Variants in CTIF observed in about 807,000 individuals in gnomAD.
The protein encoded by CTIF is cap binding complex dependent translation initiation factor.
CTIF carries 21 observed loss-of-function variants against 66.0 expected under a neutral mutation model. The observed-to-expected ratio is 0.32, with a 90% confidence interval of 0.23 to 0.46. CTIF has a LOEUF of 0.46. CTIF is among the 20% of genes least tolerant of loss of function. The pLI, the probability that CTIF is intolerant of heterozygous loss-of-function variation, is 1.00. For synonymous variants in CTIF, 345 were observed against 326.4 expected (o/e 1.06, Z -0.62); for missense variants, 739 against 812.7 (o/e 0.91, Z 1.10).
At chr18:48,667,114 C>CACACAG (rs2091450952) in intron 5 of CTIF, among the ~76,000 whole-genome samples, 1 of 151,722 alleles carries the variant, frequency 6.6e-6, no homozygotes, top group African/African-American at 2.4e-5. Flanking sequence ...CACACACACA[C>CACACAG]ACGAGTATAC....
intron 10 of CTIF, among the ~76,000 whole-genome samples, chr18:48,852,349 G>A (rs747078496): frequency 6.1e-5 from 9 of 146,786 alleles, no homozygotes; most frequent in African/African-American, 1.5e-4. Flanking sequence ...CTTTCCCTCC[G>A]ATCCCAGTCC....
intron 7 of CTIF, among the ~76,000 whole-genome samples, chr18:48,726,174 A>G (rs528416457): frequency 5.8e-4 from 89 of 152,290 alleles, no homozygotes; most frequent in Non-Finnish European, 1.1e-3. Context: ...TGAATCACAC[A>G]TGTTCGGTTT....
Position 48,619,705 on chromosome 18 carries a change from G to T in CTIF, c.140G>T (p.Gly47Val), listed in dbSNP as rs774862580. Residue 47 changes from glycine to valine, a missense_variant, in exon 2 of 12, where the codon GGT (glycine) becomes GTT (valine). This residue lies in a region of CTIF where 529 missense variants were observed against 520.3 expected (regional missense o/e 1.02). Transcript: ENST00000256413. ...GGGCTGCTGGCTGACAAGACGGAGG[G>T]TGATGGCGAGAGCGAGAGGACCCAG... Reference protein sequence around the residue: ...VQGLLADKTEGDGESERTQSH... With the variant: ...VQGLLADKTEVDGESERTQSH... 3.1e-6 allele frequency: 5 copies of T among 1,607,096 alleles called. No individual in the cohort carries two copies. In the South Asian group the frequency reaches 5.6e-5, roughly 18 times the overall value.
At chr18:48,617,463 A>G (rs904465565) in intron 1 of CTIF, among the ~76,000 whole-genome samples, 2 of 152,200 alleles carry the variant, frequency 1.3e-5, no homozygotes, top group Non-Finnish European at 2.9e-5. Flanking sequence ...GTGTATACCC[A>G]TGACTGTCTT....
At chr18:48,655,731 A>G (rs2091237308) in intron 3 of CTIF, among the ~76,000 whole-genome samples, 1 of 152,158 alleles carries the variant, frequency 6.6e-6, no homozygotes, top group African/African-American at 2.4e-5. Context: ...CTGATGTAGC[A>G]GGCCTGCTAG....
chr18:48,671,246 G>A (rs2091529081), intron 6 of CTIF, among the ~76,000 whole-genome samples: 1 of 152,094 alleles, frequency 6.6e-6, no homozygotes, highest in Non-Finnish European at 1.5e-5. Flanking sequence ...CCAGGTTCCA[G>A]GACAAAGAGG....
At chr18:48,583,662 A>G (rs575135534) in intron 1 of CTIF, among the ~76,000 whole-genome samples, 1 of 152,290 alleles carries the variant, frequency 6.6e-6, no homozygotes, top group East Asian at 1.9e-4. Flanking sequence ...CATGCTGGGC[A>G]TATGAGCAGG....
chr18:48,606,642 A>G (rs2144228795), intron 1 of CTIF, among the ~76,000 whole-genome samples: 1 of 152,306 alleles, frequency 6.6e-6, no homozygotes. Flanking sequence ...CCACTCCAGG[A>G]GGGACGACAG....
chr18:48,628,124 G>C (rs993955139), intron 2 of CTIF, among the ~76,000 whole-genome samples: 15 of 152,196 alleles, frequency 9.9e-5, no homozygotes, highest in African/African-American at 3.6e-4. Flanking sequence ...ATTTTAGCCT[G>C]AGCAAATAGG....
At chr18:48,550,256 C>A (rs2088851574) in intron 1 of CTIF, among the ~76,000 whole-genome samples, 1 of 152,186 alleles carries the variant, frequency 6.6e-6, no homozygotes, top group Non-Finnish European at 1.5e-5. Context: ...GAGCATATGT[C>A]ACTGGTGGCC....
At chr18:48,562,752 T>C (rs1169107237) in intron 1 of CTIF, among the ~76,000 whole-genome samples, 1 of 152,200 alleles carries the variant, frequency 6.6e-6, no homozygotes, top group Non-Finnish European at 1.5e-5. Flanking sequence ...ATGATCATAA[T>C]TATGCCTGAT....
At chr18:48,614,406 AT>A (rs2090361248) in intron 1 of CTIF, among the ~76,000 whole-genome samples, 5 of 152,228 alleles carry the variant, frequency 3.3e-5, no homozygotes, top group Admixed American at 3.3e-4. Flanking sequence ...GTACACTCAT[AT>A]TCAAAGCAGC....
At chr18:48,611,705 G>A (rs1227036970) in intron 1 of CTIF, among the ~76,000 whole-genome samples, 1 of 152,184 alleles carries the variant, frequency 6.6e-6, no homozygotes, top group East Asian at 1.9e-4. Flanking sequence ...TTAAAGTTTC[G>A]GAAGCAGTGC....
At chr18:48,626,663 T>TG (rs1555657889) in intron 2 of CTIF, among the ~76,000 whole-genome samples, 2 of 149,008 alleles carry the variant, frequency 1.3e-5, no homozygotes, top group African/African-American at 5.0e-5. Context: ...TTTGTTTTTT[T>TG]TTTTTTTTTG....
chr18:48,568,815 C>T (rs187676206), intron 1 of CTIF, among the ~76,000 whole-genome samples: 5 of 152,110 alleles, frequency 3.3e-5, no homozygotes, highest in Admixed American at 2.0e-4. Flanking sequence ...CATCAGATCT[C>T]GTGAGACTTA....
chr18:48,859,650 G>A lies in CTIF; in HGVS notation c.*91G>A. On this transcript the variant is annotated 3_prime_UTR_variant, in exon 12 of 12. Transcript: ENST00000256413. ...AGGCGGGAGGACAGGGGTGGCCCTG[G>A]CGGGAGAAAGAAATGGGGAGGAGGG... 2 of 1,246,034 alleles carry A rather than the reference G, an allele frequency of 1.6e-6. No homozygotes were observed. Among genetic ancestry groups the A allele is most frequent in the Non-Finnish European group, 2.3e-6 (2 of 853,926 alleles). The allele number at this position is 1,246,034 out of a possible 1,614,324, so 77.2% of individuals were successfully genotyped here.
chr18:48,782,560 A>C (rs1299516148), intron 9 of CTIF, among the ~76,000 whole-genome samples: 1 of 152,218 alleles, frequency 6.6e-6, no homozygotes, highest in Non-Finnish European at 1.5e-5. Context: ...CCCAGGGGAC[A>C]TGAATGCCAC....
At position 48,761,783 on chromosome 18, in the gene CTIF, G is replaced by A; in HGVS notation, c.1371+94G>A. The A allele has an allele frequency of 1.5e-6, 2 of 1,291,176 alleles. No individual in the cohort carries two copies. The highest frequency in any genetic ancestry group is 2.1e-6 in the Non-Finnish European group (2 of 937,356). The allele number at this position is 1,291,176 out of a possible 1,614,324, so 80.0% of individuals were successfully genotyped here. A position where few individuals can be genotyped will look rare whatever the true frequency, so the allele number is the denominator to read the frequency against. Reference sequence around the variant, plus strand: ...GAGAAGGCTGCGAGTTCTGGCCACAGTTGGACTTTTCCCAAGTTCCGCCCT... The same window carrying A: ...GAGAAGGCTGCGAGTTCTGGCCACAATTGGACTTTTCCCAAGTTCCGCCCT... On this transcript the variant is annotated intron_variant, in intron 9 of 11. Transcript: ENST00000256413. The surrounding 1 kb of genome is among the most constrained non-coding windows in gnomAD (Gnocchi z 4.2).
intron 3 of CTIF, among the ~76,000 whole-genome samples, 161 bp from the exon 4 acceptor site, chr18:48,663,591 A>T (rs1017822470): frequency 6.6e-6 from 1 of 152,054 alleles, no homozygotes; most frequent in Non-Finnish European, 1.5e-5. Flanking sequence ...GGGGGAGGCC[A>T]GGAGACCCCC....
Sources: gnomAD v4.1 joint callset for allele counts (sites outside exome capture counted in the v4.1 genomes callset) on GRCh38, gnomAD v4.1.1 for gene constraint, gnomAD v4.1.1 regional missense constraint, Gnocchi (gnomAD v3.1) non-coding constraint, MANE v1.5 for transcripts, NCBI Gene and HGNC (gene_info 2026-07-23, HGNC 2026-07-21) for gene names.